The following DYNAP variants were observed in gnomAD, a reference collection of about 807,000 sequenced individuals.
DYNAP encodes dynactin-associated protein.
In DYNAP, 7 loss-of-function variants were observed where a neutral mutation model predicts 8.5. The observed-to-expected ratio is 0.82, with a 90% CI of 0.47 to 1.54. The LOEUF (loss-of-function observed/expected upper bound fraction) is 1.54. Among genes scored for constraint, DYNAP ranks in the 40% most tolerant of loss-of-function variants. The probability of loss-of-function intolerance (pLI) is 0.01; values close to 1 mark genes in which losing one functional copy is unlikely to be tolerated. For missense variants in DYNAP, 256 were observed against 224.3 expected, an observed-to-expected ratio of 1.14 and a Z score of -0.90; for synonymous variants, 77 against 77.9, an observed-to-expected ratio of 0.99 and a Z score of 0.06.
chr18:54,586,111 A>G (rs944317955), upstream of DYNAP, among the ~76,000 whole-genome samples: 5 of 151,830 alleles, frequency 3.3e-5, no homozygotes. Flanking sequence ...TAAACCTGAC[A>G]TTTTCTGAGA....
At chr18:54,580,762 C>A in the DYNAP span, among the ~76,000 whole-genome samples, 71,276 of 152,098 alleles carry the variant, frequency 0.47, 17,800 homozygotes, top group East Asian at 0.68. Context: ...CAATGGCCAA[C>A]AATAACAATT....
In DYNAP at chr18:54,591,337, C is replaced by T. The variant is rs754103944; in HGVS notation, c.55C>T (p.Pro19Ser). 3 of 1,604,108 alleles carry T rather than the reference C, an allele frequency of 1.9e-6. No individual in the cohort carries two copies. The highest frequency in any genetic ancestry group is 1.7e-5 in the Admixed American group (1 of 58,768). Residue 19 changes from proline (P) to serine (S), a missense_variant and splice_region_variant, in exon 1 of 3, where the codon CCG becomes TCG. Pro to Ser is a moderately conservative substitution (Grantham distance 74). Coordinates refer to ENST00000648945, the MANE Select transcript of DYNAP (RefSeq NM_173629.3). ...ILNVEHSENQ[P>S]PITHPNDQEA... is the part of the protein sequence containing the mutation. ...GAACGTTGAGCACTCTGAAAACCAG[C>T]CGGTGAGTGTCCTTGCTCCATTTTG...
At chr18:54,591,591 A>G (rs1489643775) in intron 1 of DYNAP, among the ~76,000 whole-genome samples, 1 of 152,130 alleles carries the variant, frequency 6.6e-6, no homozygotes. Flanking sequence ...TGGCCATAGG[A>G]TATACAAATA....
At chr18:54,581,515 G>A in the DYNAP span, among the ~76,000 whole-genome samples, 89 of 152,336 alleles carry the variant, frequency 5.8e-4, no homozygotes, top group African/African-American at 2.1e-3. Context: ...CTAATGCATA[G>A]GCAGGTTTAA....
chr18:54,595,600 G>A (rs1363876588), intron 2 of DYNAP, among the ~76,000 whole-genome samples: 1 of 151,974 alleles, frequency 6.6e-6, no homozygotes, highest in Non-Finnish European at 1.5e-5. Flanking sequence ...TGGTGTATAC[G>A]ACCTTAACAC....
chr18:54,576,280 A>G, the DYNAP span, among the ~76,000 whole-genome samples: 3 of 152,182 alleles, frequency 2.0e-5, no homozygotes, highest in Non-Finnish European at 4.4e-5. Context: ...TTGCTAGGTC[A>G]TAGGGTAGAT....
chr18:54,598,087 C>G lies in DYNAP; in HGVS notation c.497C>G (p.Ala166Gly). 1.2e-6 allele frequency: 2 copies of G among 1,612,940 alleles called. No individual in the cohort carries two copies. The highest frequency in any genetic ancestry group is 1.7e-6 in the Non-Finnish European group (2 of 1,179,344). ...STATESTTST[A>G]TAATTSTEPI... ...GCCACTGAATCTACAACTTCAACAG[C>G]TACAGCTGCCACCACTTCCACAGAA... The change falls in exon 3 of 3, where the codon GCT (alanine) becomes GGT (glycine). Residue 166 changes from alanine to glycine, a missense_variant. Ala to Gly is a moderately conservative substitution (Grantham distance 60). Transcript: ENST00000648945.
chr18:54,575,796 A>T, the DYNAP span, among the ~76,000 whole-genome samples: 1 of 151,942 alleles, frequency 6.6e-6, no homozygotes, highest in Non-Finnish European at 1.5e-5. Flanking sequence ...AAGTTCATTA[A>T]CATAACATGC....
intron 1 of DYNAP, among the ~76,000 whole-genome samples, chr18:54,591,649 A>G (rs1048354436): frequency 9.9e-5 from 15 of 152,114 alleles, no homozygotes; most frequent in Admixed American, 8.5e-4. Flanking sequence ...ATAAACTCCA[A>G]TGATGTCAGT....
upstream of DYNAP, among the ~76,000 whole-genome samples, chr18:54,589,664 T>A (rs1910996363): frequency 6.6e-6 from 1 of 152,168 alleles, no homozygotes. Flanking sequence ...AATCTTCCAC[T>A]CTTTATGCCA....
intron 1 of DYNAP, among the ~76,000 whole-genome samples, chr18:54,594,337 G>A (rs1157230157): frequency 6.6e-6 from 1 of 152,130 alleles, no homozygotes; most frequent in Admixed American, 6.6e-5. Flanking sequence ...AGCATGGTAT[G>A]AATTATGTAA....
At chr18:54,582,820 C>G (rs1165786009), upstream of DYNAP, among the ~76,000 whole-genome samples, 2 of 152,168 alleles carry the variant, frequency 1.3e-5, no homozygotes, top group Admixed American at 1.3e-4. Context: ...ATTCATTTTA[C>G]TCTTAAGCTA....
Position 54,598,173 on chromosome 18 carries a change from C to T in DYNAP, c.*28C>T, listed in dbSNP as rs780336331. On this transcript the variant is annotated 3_prime_UTR_variant, in exon 3 of 3. Transcript: ENST00000648945. ...TGAACAGCCATAGCCATCACTTCAA[C>T]TGAAACTTCAACCTCTACCACTTCA... 1.2e-5 allele frequency: 19 copies of T among 1,576,888 alleles called. No individual in the cohort carries two copies. Among genetic ancestry groups the T allele is most frequent in the Non-Finnish European group, 4.3e-6 (5 of 1,159,448 alleles).
chr18:54,590,443 C>A (rs2144885370), upstream of DYNAP, among the ~76,000 whole-genome samples: 1 of 152,166 alleles, frequency 6.6e-6, no homozygotes, highest in South Asian at 2.1e-4. Context: ...AACTTACAAG[C>A]TGAAGGTATT....
Position 54,598,303 on chromosome 18 carries a change from T to G in DYNAP, c.*158T>G, listed in dbSNP as rs926841683. The G allele has an allele frequency of 1.4e-6, 1 of 735,340 alleles. No individual in the cohort carries two copies. Among genetic ancestry groups the G allele is most frequent in the South Asian group, 2.5e-5 (1 of 40,720 alleles). 45.6% of individuals were successfully genotyped at this position (735,340 alleles called of 1,614,324 possible). A position where few individuals can be genotyped will look rare whatever the true frequency, so the allele number is the denominator to read the frequency against. On this transcript the variant is annotated 3_prime_UTR_variant, in exon 3 of 3. Transcript: ENST00000648945. ...CCGTTACAACTTCAACAAAATCAAGTCCTACTTCAACTTAAACTTACTTGA... is the reference window on the plus strand; with the variant it reads ...CCGTTACAACTTCAACAAAATCAAGGCCTACTTCAACTTAAACTTACTTGA...
At chr18:54,587,792 G>A (rs372553970), upstream of DYNAP, 19 of 400,380 alleles carry the variant, frequency 4.7e-5, 1 homozygote, top group Middle Eastern at 1.6e-3. Context: ...AGAGAGACAA[G>A]GAAAATTTTG....
chr18:54,579,041 C>T, the DYNAP span, among the ~76,000 whole-genome samples: 20 of 152,158 alleles, frequency 1.3e-4, no homozygotes, highest in African/African-American at 4.1e-4. Flanking sequence ...CCTCATGGTC[C>T]GCCCGCCTCG....
At chr18:54,583,874 G>T (rs1910793197), upstream of DYNAP, among the ~76,000 whole-genome samples, 1 of 152,008 alleles carries the variant, frequency 6.6e-6, no homozygotes, top group Non-Finnish European at 1.5e-5. Flanking sequence ...CCTGAAAATA[G>T]CTTGGAATAC....
At chr18:54,577,276 T>A in the DYNAP span, among the ~76,000 whole-genome samples, 3 of 152,120 alleles carry the variant, frequency 2.0e-5, no homozygotes, top group Non-Finnish European at 4.4e-5. Flanking sequence ...TATTAATTTA[T>A]TAAGCTCCCT....
Sources: gnomAD v4.1 joint callset for allele counts (sites outside exome capture counted in the v4.1 genomes callset) on GRCh38, gnomAD v4.1.1 for gene constraint, MANE v1.5 for transcripts, NCBI Gene and HGNC (gene_info 2026-07-23, HGNC 2026-07-21) for gene names.